The following CHN2 variants were observed in gnomAD, a reference collection of about 807,000 sequenced individuals.
CHN2 encodes the protein chimerin 2, also known as beta-chimaerin.
In CHN2, 35 loss-of-function variants were observed where a neutral mutation model predicts 56.3. That is an observed-to-expected ratio of 0.62 (90% CI 0.47 to 0.82). The LOEUF (loss-of-function observed/expected upper bound fraction) is 0.82. Ranked by LOEUF, CHN2 falls within the 40% of genes least tolerant of loss-of-function variation. The pLI is 0.00. For synonymous variants in CHN2, 210 were observed against 212.8 expected (o/e 0.99, Z 0.12); for missense variants, 491 against 580.5 (o/e 0.85, Z 1.58).
chr7:29,326,434 G>A (rs1051864298), intron 1 of CHN2, among the ~76,000 whole-genome samples: 8 of 152,204 alleles, frequency 5.3e-5, no homozygotes, highest in South Asian at 2.1e-4. Flanking sequence ...GGGATTACAG[G>A]TGTCAGCCAC....
At chr7:29,187,191 T>A (rs949148753) in intron 2 of CHN2, among the ~76,000 whole-genome samples, 4 of 152,160 alleles carry the variant, frequency 2.6e-5, no homozygotes, top group African/African-American at 9.7e-5. Flanking sequence ...CTTTATCTTA[T>A]AGGGGCCAAA....
intron 3 of CHN2, among the ~76,000 whole-genome samples, chr7:29,381,744 A>G (rs1051955224): frequency 7.6e-6 from 1 of 132,018 alleles, no homozygotes; most frequent in Non-Finnish European, 1.6e-5. Context: ...GGAGATTTTG[A>G]TTTAATGGAA....
intron 6 of CHN2, among the ~76,000 whole-genome samples, chr7:29,435,266 G>A (rs548962676): frequency 1.5e-4 from 23 of 152,296 alleles, no homozygotes; most frequent in African/African-American, 5.5e-4. Context: ...CAAAGCTTGG[G>A]CTCTGGACCA....
intron 1 of CHN2, among the ~76,000 whole-genome samples, chr7:29,329,376 CAAAAAAAAAAAAAA>C (rs10667833): frequency 8.1e-5 from 3 of 37,248 alleles, no homozygotes; most frequent in South Asian, 1.7e-3. Context: ...TCAGATAAGG[CAAAAAAAAAAAAAA>C]AAAAAAAAAA....
At position 29,399,589 on chromosome 7, in the gene CHN2, A is replaced by T. The variant is rs1470499145; in HGVS notation, c.291-954A>T. Among the ~76,000 whole-genome samples, 8 of 152,274 alleles carry T rather than the reference A, an allele frequency of 5.3e-5. No homozygotes were observed. The East Asian group carries it at 1.5e-3, about 29-fold the overall frequency. On this transcript the variant is annotated intron_variant, in intron 5 of 12. Transcript: ENST00000222792. ...GGAAGGTATCCAATTTCAGAACTGA[A>T]TTGTCTTCCAAAAGTTCATTTGTGA...
chr7:29,378,646 C>T (rs1800257319), intron 3 of CHN2, among the ~76,000 whole-genome samples: 1 of 152,202 alleles, frequency 6.6e-6, no homozygotes, highest in Non-Finnish European at 1.5e-5. Context: ...TTGCCGACCC[C>T]TGGTCTTACA....
At chr7:29,495,897 C>T in intron 7 of CHN2, 55 bp from the exon 8 acceptor site, 2 of 1,478,776 alleles carry the variant, frequency 1.4e-6, no homozygotes, top group East Asian at 2.3e-5. Context: ...TCTGAGGCTA[C>T]CTGCCTTTAA....
intron 2 of CHN2, among the ~76,000 whole-genome samples, chr7:29,177,606 TTC>T (rs910747978): frequency 6.6e-6 from 1 of 151,818 alleles, no homozygotes; most frequent in Non-Finnish European, 1.5e-5. Context: ...CCCTCATTTT[TTC>T]TCTCTCTCTT....
At chr7:29,260,435 CCTT>C (rs1349338209) in intron 1 of CHN2, among the ~76,000 whole-genome samples, 1 of 151,964 alleles carries the variant, frequency 6.6e-6, no homozygotes, top group African/African-American at 2.4e-5. Flanking sequence ...AACTGGGTAA[CCTT>C]CTGGAGAGGA....
At chr7:29,345,748 C>T (rs1797385296) in intron 1 of CHN2, among the ~76,000 whole-genome samples, 1 of 152,074 alleles carries the variant, frequency 6.6e-6, no homozygotes, top group Admixed American at 6.6e-5. Flanking sequence ...TCTCATCATG[C>T]CTCTGTGTAC....
At chr7:29,434,192 G>A (rs930150299) in intron 6 of CHN2, among the ~76,000 whole-genome samples, 8 of 152,092 alleles carry the variant, frequency 5.3e-5, no homozygotes, top group Admixed American at 1.3e-4. Context: ...TCTTTGCCCC[G>A]CATCACCACA....
chr7:29,398,844 C>T (rs1013652884), intron 5 of CHN2, among the ~76,000 whole-genome samples: 10 of 151,760 alleles, frequency 6.6e-5, no homozygotes, highest in Admixed American at 3.3e-4. Flanking sequence ...TCAAGCCATC[C>T]GCCTGTCTCA....
exon 2 of CHN2, chr7:29,146,897 G>C: frequency 6.4e-7 from 1 of 1,551,214 alleles, no homozygotes; most frequent in East Asian, 2.4e-5. Flanking sequence ...AGTGGTGTTT[G>C]ATTCCCACTG....
chr7:29,308,785 T>C (rs566470471), intron 1 of CHN2, among the ~76,000 whole-genome samples: 1 of 152,358 alleles, frequency 6.6e-6, no homozygotes, highest in African/African-American at 2.4e-5. Context: ...CAGAGATGCC[T>C]CTTATAACCG....
intron 6 of CHN2, among the ~76,000 whole-genome samples, chr7:29,416,798 A>G (rs1742413642): frequency 6.6e-6 from 1 of 152,084 alleles, no homozygotes; most frequent in African/African-American, 2.4e-5. Flanking sequence ...GTATATGTAT[A>G]TGTATATTTC....
Position 29,242,884 on chromosome 7 carries a change from CT to C in CHN2, c.49+47905del, listed in dbSNP as rs893700373. ...TGCTTGTCTTTTTATTTCATGACAA[CT>C]TTTTTTTTTTCTGGAAATGAGCTTT... On this transcript the variant is annotated intron_variant, in intron 1 of 12. Coordinates refer to ENST00000222792, the MANE Select transcript of CHN2 (RefSeq NM_004067.4). Among the ~76,000 whole-genome samples, 307 of 142,808 alleles carry C rather than the reference CT, an allele frequency of 2.1e-3. 1 individual carries two copies. The highest frequency in any genetic ancestry group is 4.1e-3 in the Admixed American group (58 of 14,184). 93.7% of individuals were successfully genotyped at this position (142,808 alleles called of 152,430 possible).
intron 1 of CHN2, among the ~76,000 whole-genome samples, chr7:29,303,579 C>T (rs1262830818): frequency 6.6e-6 from 1 of 152,124 alleles, no homozygotes; most frequent in Non-Finnish European, 1.5e-5. Flanking sequence ...GTAGGGACTC[C>T]CCGGTGTCTA....
intron 1 of CHN2, among the ~76,000 whole-genome samples, chr7:29,338,580 TTTTG>T (rs1796803725): frequency 6.6e-6 from 1 of 152,172 alleles, no homozygotes; most frequent in Admixed American, 6.5e-5. Context: ...GTTGTGAGTT[TTTTG>T]TTTGTTTGTT....
In CHN2 at chr7:29,513,852, C is replaced by T. The variant is rs1791767906; in HGVS notation, c.*1117C>T. On this transcript the variant is annotated 3_prime_UTR_variant, in exon 13 of 13. Coordinates refer to ENST00000222792, the MANE Select transcript of CHN2 (RefSeq NM_004067.4). Reference sequence around the variant, plus strand: ...ATAATATGATTTTATTACTACAGTTCCAGTCACTTGGTTATATTTATCTTA... The same window carrying T: ...ATAATATGATTTTATTACTACAGTTTCAGTCACTTGGTTATATTTATCTTA... 1 of 152,576 alleles carries T rather than the reference C, an allele frequency of 6.6e-6. No individual in the cohort carries two copies. Among genetic ancestry groups the T allele is most frequent in the African/African-American group, 2.4e-5 (1 of 41,420 alleles). 9.5% of individuals were successfully genotyped at this position (152,576 alleles called of 1,614,324 possible).
Sources: gnomAD v4.1 joint callset for allele counts (sites outside exome capture counted in the v4.1 genomes callset) on GRCh38, gnomAD v4.1.1 for gene constraint, MANE v1.5 for transcripts, NCBI Gene and HGNC (gene_info 2026-07-23, HGNC 2026-07-21) for gene names.